Variants in CHRM3 observed in about 807,000 individuals in gnomAD.
The protein encoded by CHRM3 is muscarinic acetylcholine receptor M3.
CHRM3 carries 11 observed loss-of-function variants against 41.8 expected under a neutral mutation model. That is an observed-to-expected ratio of 0.26 (90% CI 0.17 to 0.44). The LOEUF is 0.44. CHRM3 is among the 20% of genes least tolerant of loss of function. The pLI is 1.00. For synonymous variants in CHRM3, 297 were observed against 301.4 expected (o/e 0.99, Z 0.15); for missense variants, 571 against 745.4 (o/e 0.77, Z 2.72).
intron 1 of CHRM3, among the ~76,000 whole-genome samples, chr1:239,475,918 G>C (rs1341980480): frequency 6.6e-6 from 1 of 152,088 alleles, no homozygotes; most frequent in Non-Finnish European, 1.5e-5. Flanking sequence ...TAATTCTGTG[G>C]TTGAGAATTG....
At chr1:239,524,675 T>TA (rs1439049946) in intron 2 of CHRM3, among the ~76,000 whole-genome samples, 1 of 152,068 alleles carries the variant, frequency 6.6e-6, no homozygotes, top group African/African-American at 2.4e-5. Flanking sequence ...ACCTTAACAA[T>TA]AAAAATAAAA....
chr1:239,565,639 A>G (rs1187797906), intron 3 of CHRM3, among the ~76,000 whole-genome samples: 1 of 152,190 alleles, frequency 6.6e-6, no homozygotes, highest in Non-Finnish European at 1.5e-5. Flanking sequence ...CTTGTGATCT[A>G]TATTGGAAGC....
At chr1:239,436,836 A>G (rs543844856) in intron 1 of CHRM3, among the ~76,000 whole-genome samples, 1 of 151,992 alleles carries the variant, frequency 6.6e-6, no homozygotes, top group East Asian at 2.0e-4. Context: ...CTTCCCTAAA[A>G]ACCTGATTTA....
intron 1 of CHRM3, among the ~76,000 whole-genome samples, chr1:239,447,963 A>T (rs1664275086): frequency 6.6e-6 from 1 of 152,184 alleles, no homozygotes; most frequent in Admixed American, 6.5e-5. Flanking sequence ...CGTTGCTGAG[A>T]ATAAACCCAA....
chr1:239,854,169 A>G (rs774509767), intron 6 of CHRM3, among the ~76,000 whole-genome samples: 13 of 152,150 alleles, frequency 8.5e-5, no homozygotes, highest in Non-Finnish European at 1.5e-4. Context: ...GTAGGCTGCC[A>G]TAGGCAATAT....
intron 1 of CHRM3, among the ~76,000 whole-genome samples, chr1:239,399,064 G>T (rs1034033976): frequency 6.6e-6 from 1 of 152,130 alleles, no homozygotes; most frequent in African/African-American, 2.4e-5. Flanking sequence ...GAACCACCAT[G>T]GGCAAAGAAA....
intron 6 of CHRM3, among the ~76,000 whole-genome samples, chr1:239,877,504 G>A (rs1302365297): frequency 6.6e-6 from 1 of 152,114 alleles, no homozygotes; most frequent in Non-Finnish European, 1.5e-5. Context: ...GAATAATAAT[G>A]TCAGTTTCCT....
chr1:239,757,027 G>A (rs906940809), intron 5 of CHRM3, among the ~76,000 whole-genome samples: 4 of 152,092 alleles, frequency 2.6e-5, no homozygotes, highest in Admixed American at 6.5e-5. Context: ...AATAGACCAC[G>A]TATCCTGCTG....
chr1:239,613,645 AAT>A (rs10617182), intron 3 of CHRM3, among the ~76,000 whole-genome samples: 4,553 of 152,202 alleles, frequency 0.03, 232 homozygotes, highest in African/African-American at 0.1. Context: ...AAGTAAAACA[AAT>A]ATCTGTCATT....
At chr1:239,852,394 G>A (rs536055442) in intron 6 of CHRM3, among the ~76,000 whole-genome samples, 1 of 152,176 alleles carries the variant, frequency 6.6e-6, no homozygotes, top group East Asian at 1.9e-4. Flanking sequence ...CAATATAATG[G>A]TCATGATGAC....
rs759581665 is a variant in CHRM3, at chr1:239,668,680, T to C, written c.-249-9506T>C. Among the ~76,000 whole-genome samples the C allele has an allele frequency of 8.9e-4, 135 of 152,334 alleles. 1 individual carries two copies. The highest frequency in any genetic ancestry group is 2.6e-4 in the Non-Finnish European group (18 of 68,026). Reference sequence around the variant, plus strand: ...CAAACATTCTGATGCTTTACCATTCTAGGTTAACATTAAAAATAACTCTCA... The same window carrying C: ...CAAACATTCTGATGCTTTACCATTCCAGGTTAACATTAAAAATAACTCTCA... On this transcript the variant is annotated intron_variant, in intron 4 of 6. Coordinates refer to ENST00000676153, the MANE Select transcript of CHRM3 (RefSeq NM_001375978.1).
chr1:239,502,756 T>A (rs1429278105), intron 2 of CHRM3, among the ~76,000 whole-genome samples: 1 of 151,880 alleles, frequency 6.6e-6, no homozygotes, highest in Non-Finnish European at 1.5e-5. Flanking sequence ...GGGTTTAACA[T>A]ACACAAGTCA....
chr1:239,425,437 T>TA (rs374556598), intron 1 of CHRM3, among the ~76,000 whole-genome samples: 311 of 146,748 alleles, frequency 2.1e-3, no homozygotes, highest in Admixed American at 3.3e-3. Context: ...CTTACCAAAG[T>TA]AAAAAAAAAA....
intron 2 of CHRM3, among the ~76,000 whole-genome samples, chr1:239,535,349 TG>T (rs961435521): frequency 6.6e-6 from 1 of 151,842 alleles, no homozygotes; most frequent in Non-Finnish European, 1.5e-5. Context: ...TCTCCATGTA[TG>T]TTGTCTTCTC....
intron 1 of CHRM3, among the ~76,000 whole-genome samples, chr1:239,465,113 AT>A (rs573895836): frequency 3.1e-3 from 476 of 152,296 alleles, no homozygotes; most frequent in Non-Finnish European, 3.6e-3. Flanking sequence ...AAAATATAAA[AT>A]GGAGATATGA....
chr1:239,886,267 G>A (rs1167146765), intron 6 of CHRM3: 1 of 152,158 alleles, frequency 6.6e-6, no homozygotes, highest in Non-Finnish European at 1.5e-5. Context: ...AGCAAACCTT[G>A]AGTCATGGAT....
chr1:239,879,518 T>C (rs918809842), intron 6 of CHRM3, among the ~76,000 whole-genome samples: 1 of 152,212 alleles, frequency 6.6e-6, no homozygotes, highest in African/African-American at 2.4e-5. Context: ...GGTGTCTTTC[T>C]TTCAATCTGA....
At chr1:239,427,127 A>G (rs1434889907) in intron 1 of CHRM3, among the ~76,000 whole-genome samples, 2 of 152,190 alleles carry the variant, frequency 1.3e-5, no homozygotes, top group African/African-American at 4.8e-5. Flanking sequence ...ATAGTGATTT[A>G]AAGTCATTTT....
intron 6 of CHRM3, among the ~76,000 whole-genome samples, chr1:239,894,947 C>A (rs573724219): frequency 1.1e-4 from 17 of 152,252 alleles, no homozygotes; most frequent in Non-Finnish European, 1.6e-4. Context: ...CCTTGCAAGA[C>A]CCTCTGGTGC....
Sources: allele counts gnomAD v4.1 joint callset (sites outside exome capture counted in the v4.1 genomes callset), GRCh38; gene constraint gnomAD v4.1.1; transcripts MANE v1.5; gene names NCBI Gene and HGNC (gene_info 2026-07-23, HGNC 2026-07-21).